SGCZ: variants seen among roughly 807,000 people sequenced by gnomAD.
SGCZ encodes sarcoglycan zeta, also known as zeta-sarcoglycan.
In SGCZ, 40 loss-of-function variants were observed where a neutral mutation model predicts 41.3. The ratio of observed to expected loss-of-function variants is 0.97; its 90% CI spans 0.75 to 1.26. The LOEUF is 1.26. Ranked by LOEUF, SGCZ falls within the 50% of genes most tolerant of loss-of-function variation. The probability of loss-of-function intolerance (pLI) is 0.00; values close to 1 mark genes in which losing one functional copy is unlikely to be tolerated. For missense variants in SGCZ, 552 were observed against 369.8 expected, an observed-to-expected ratio of 1.49 and a Z score of -4.04; for synonymous variants, 206 against 137.5, an observed-to-expected ratio of 1.50 and a Z score of -3.49.
intron 1 of SGCZ, among the ~76,000 whole-genome samples, chr8:14,692,961 T>C (rs1032491984): frequency 2.6e-5 from 4 of 152,198 alleles, no homozygotes; most frequent in Admixed American, 6.5e-5. Flanking sequence ...AAAGTGGCCA[T>C]GGATTACTGA....
At chr8:14,981,249 C>G (rs1024231014) in intron 1 of SGCZ, among the ~76,000 whole-genome samples, 1 of 152,186 alleles carries the variant, frequency 6.6e-6, no homozygotes, top group Non-Finnish European at 1.5e-5. Context: ...ATTAACTCAG[C>G]TTTAAAGTAA....
intron 2 of SGCZ, among the ~76,000 whole-genome samples, chr8:14,522,490 T>C (rs961505215): frequency 2.6e-5 from 4 of 152,014 alleles, no homozygotes; most frequent in African/African-American, 7.2e-5. Flanking sequence ...AATTCGTCTA[T>C]TTCAACTAAG....
At chr8:15,218,462 C>T (rs1287660257) in intron 1 of SGCZ, among the ~76,000 whole-genome samples, 2 of 152,152 alleles carry the variant, frequency 1.3e-5, no homozygotes, top group African/African-American at 4.8e-5. Context: ...TTAAAAGCTG[C>T]CTTTAGGCAG....
chr8:14,615,761 G>C (rs1461064779), intron 1 of SGCZ, among the ~76,000 whole-genome samples: 1 of 152,096 alleles, frequency 6.6e-6, no homozygotes, highest in Non-Finnish European at 1.5e-5. Context: ...TCACAACCTA[G>C]AGTAAGAAAT....
chr8:14,139,655 T>A (rs1315767492), intron 5 of SGCZ, among the ~76,000 whole-genome samples: 1 of 152,148 alleles, frequency 6.6e-6, no homozygotes, highest in Non-Finnish European at 1.5e-5. Context: ...GTTGAATCCC[T>A]GAATAGACTA....
intron 1 of SGCZ, among the ~76,000 whole-genome samples, chr8:14,995,193 T>A (rs1272032760): frequency 6.6e-6 from 1 of 152,252 alleles, no homozygotes; most frequent in Non-Finnish European, 1.5e-5. Flanking sequence ...TATCAGGAGA[T>A]GATTTGGTTT....
At chr8:14,228,980 G>A (rs1004792465) in intron 4 of SGCZ, among the ~76,000 whole-genome samples, 1 of 152,080 alleles carries the variant, frequency 6.6e-6, no homozygotes, top group East Asian at 1.9e-4. Flanking sequence ...ACTGTTAAGC[G>A]GAGCTGGCTT....
intron 1 of SGCZ, among the ~76,000 whole-genome samples, chr8:14,591,095 C>A (rs1399314247): frequency 6.6e-6 from 1 of 151,130 alleles, no homozygotes; most frequent in East Asian, 1.9e-4. Flanking sequence ...GACAAGAGAC[C>A]AGAGTCATCT....
intron 1 of SGCZ, among the ~76,000 whole-genome samples, chr8:15,232,479 A>C (rs957894796): frequency 1.3e-5 from 2 of 151,872 alleles, no homozygotes; most frequent in Non-Finnish European, 2.9e-5. Flanking sequence ...CTTCCCACAA[A>C]TGTATTTTTC....
intron 1 of SGCZ, among the ~76,000 whole-genome samples, chr8:14,823,018 C>T (rs1802163860): frequency 1.4e-5 from 2 of 139,286 alleles, no homozygotes; most frequent in Non-Finnish European, 3.0e-5. Context: ...CGCGCCACTG[C>T]ACTCCAGCCT....
intron 1 of SGCZ, among the ~76,000 whole-genome samples, chr8:14,655,495 T>C (rs758632534): frequency 9.2e-5 from 14 of 152,140 alleles, no homozygotes; most frequent in African/African-American, 1.4e-4. Flanking sequence ...AAAGATGTTA[T>C]GAAAAATTCA....
intron 2 of SGCZ, among the ~76,000 whole-genome samples, chr8:14,401,620 T>C (rs555952588): frequency 6.6e-6 from 1 of 151,654 alleles, no homozygotes; most frequent in Non-Finnish European, 1.5e-5. Flanking sequence ...CATGAACTCA[T>C]CATTGTTTAT....
At chr8:14,402,804 A>C (rs956819418) in intron 2 of SGCZ, among the ~76,000 whole-genome samples, 2 of 148,800 alleles carry the variant, frequency 1.3e-5, no homozygotes, top group Non-Finnish European at 2.9e-5. Context: ...ACTTTAAAGT[A>C]GTTTTTTCCA....
intron 1 of SGCZ, among the ~76,000 whole-genome samples, chr8:15,181,622 T>G (rs1015167852): frequency 6.6e-6 from 1 of 152,162 alleles, no homozygotes; most frequent in Non-Finnish European, 1.5e-5. Context: ...TCAGATATAC[T>G]TAATATATAT....
intron 2 of SGCZ, among the ~76,000 whole-genome samples, chr8:14,338,132 T>A (rs1292170203): frequency 6.6e-6 from 1 of 152,124 alleles, no homozygotes; most frequent in Non-Finnish European, 1.5e-5. Flanking sequence ...TTTGATCAGT[T>A]TTTGGACCCA....
intron 5 of SGCZ, among the ~76,000 whole-genome samples, chr8:14,112,764 C>A (rs1802413717): frequency 6.6e-6 from 1 of 152,056 alleles, no homozygotes; most frequent in African/African-American, 2.4e-5. Context: ...AAGGTACTTG[C>A]AATTTCTAAC....
intron 2 of SGCZ, among the ~76,000 whole-genome samples, chr8:14,542,007 G>A (rs1299094638): frequency 2.6e-5 from 4 of 151,986 alleles, no homozygotes; most frequent in Admixed American, 6.6e-5. Flanking sequence ...ATTTGTTTAG[G>A]TTCCTTGTAG....
At chr8:15,118,606 A>T (rs1350166660) in intron 1 of SGCZ, among the ~76,000 whole-genome samples, 1 of 152,174 alleles carries the variant, frequency 6.6e-6, no homozygotes. Flanking sequence ...GGTAGTTCAA[A>T]GGGTCTCTTT....
chr8:14,836,518 A>G (rs940899416), intron 1 of SGCZ, among the ~76,000 whole-genome samples: 5 of 152,102 alleles, frequency 3.3e-5, no homozygotes, highest in African/African-American at 1.2e-4. Flanking sequence ...TTTTGTTTTG[A>G]GACGGGGTCT....
Sources: gnomAD v4.1 joint callset for allele counts (sites outside exome capture counted in the v4.1 genomes callset) on GRCh38, gnomAD v4.1.1 for gene constraint, MANE v1.5 for transcripts, NCBI Gene and HGNC (gene_info 2026-07-23, HGNC 2026-07-21) for gene names.